Variants in PTPRD observed in about 807,000 individuals in gnomAD.
PTPRD encodes the protein receptor-type tyrosine-protein phosphatase delta.
In PTPRD, 34 loss-of-function variants were observed where a neutral mutation model predicts 214.5. The observed-to-expected ratio is 0.16, with a 90% CI of 0.12 to 0.21. The LOEUF is 0.21. Ranked by LOEUF, PTPRD falls within the 10% of genes least tolerant of loss-of-function variation. The pLI, the probability that PTPRD is intolerant of heterozygous loss-of-function variation, is 1.00. For missense variants in PTPRD, 2,545 were observed against 2,398.7 expected (o/e 1.06, Z -1.27); for synonymous variants, 1,128 against 845.7 (o/e 1.33, Z -5.79).
intron 4 of PTPRD, among the ~76,000 whole-genome samples, chr9:9,947,921 A>G (rs769925460): frequency 7.9e-5 from 12 of 151,726 alleles, no homozygotes; most frequent in Non-Finnish European, 1.5e-4. Flanking sequence ...TATAGGGAGC[A>G]GATCAGTAGG....
chr9:8,675,530 C>T (rs1019826355), intron 12 of PTPRD, among the ~76,000 whole-genome samples: 4 of 86,100 alleles, frequency 4.6e-5, no homozygotes, highest in Admixed American at 1.3e-4. Context: ...TACACACACA[C>T]ACACACACAA....
intron 10 of PTPRD, among the ~76,000 whole-genome samples, chr9:9,135,334 T>G (rs1231861366): frequency 6.6e-6 from 1 of 152,196 alleles, no homozygotes; most frequent in East Asian, 1.9e-4. Flanking sequence ...CTATGTAATC[T>G]TTTGGTTCAG....
intron 3 of PTPRD, among the ~76,000 whole-genome samples, chr9:10,080,863 T>C (rs1330109333): frequency 6.6e-6 from 1 of 152,110 alleles, no homozygotes; most frequent in Non-Finnish European, 1.5e-5. Flanking sequence ...GTTATTGGTA[T>C]GAATATTCTA....
chr9:9,169,531 G>T (rs115663475), intron 10 of PTPRD, among the ~76,000 whole-genome samples: 4,223 of 152,160 alleles, frequency 0.028, 205 homozygotes, highest in African/African-American at 0.097. Flanking sequence ...GTAGGCCCTG[G>T]CTATAAAGAA....
chr9:10,501,579 T>C (rs551472390), intron 2 of PTPRD, among the ~76,000 whole-genome samples: 17 of 151,984 alleles, frequency 1.1e-4, no homozygotes, highest in South Asian at 6.2e-4. Context: ...AAAGTTCATA[T>C]CATTAATTAA....
chr9:9,044,265 G>A (rs569896834), intron 10 of PTPRD, among the ~76,000 whole-genome samples: 14 of 152,138 alleles, frequency 9.2e-5, no homozygotes, highest in Non-Finnish European at 2.1e-4. Context: ...TGTCACCAAA[G>A]GTTTTATGAA....
At chr9:9,238,265 T>G (rs1450546475) in intron 9 of PTPRD, among the ~76,000 whole-genome samples, 1 of 152,042 alleles carries the variant, frequency 6.6e-6, no homozygotes, top group Non-Finnish European at 1.5e-5. Context: ...CTCTTTGGCT[T>G]TGAGGATACC....
intron 2 of PTPRD, among the ~76,000 whole-genome samples, chr9:10,375,127 C>T (rs1310605012): frequency 1.3e-5 from 2 of 151,922 alleles, no homozygotes; most frequent in Admixed American, 6.6e-5. Context: ...AAAAAATAGA[C>T]AATTTACTTT....
chr9:10,518,774 T>G (rs200424801), intron 2 of PTPRD, among the ~76,000 whole-genome samples: 1 of 152,134 alleles, frequency 6.6e-6, no homozygotes, highest in South Asian at 2.1e-4. Flanking sequence ...CCTCGTGATC[T>G]GCCCGCCTTG....
intron 10 of PTPRD, among the ~76,000 whole-genome samples, chr9:9,161,947 C>A (rs2381969): frequency 0.5 from 76,377 of 151,624 alleles, 19,804 homozygotes; most frequent in African/African-American, 0.57. Flanking sequence ...GTACAGCCTT[C>A]AAATGCATTT....
At chr9:9,082,517 C>T (rs1365944815) in intron 10 of PTPRD, among the ~76,000 whole-genome samples, 4 of 152,010 alleles carry the variant, frequency 2.6e-5, no homozygotes, top group Non-Finnish European at 4.4e-5. Context: ...TCTCTCACCA[C>T]TCCTATTCAA....
At chr9:9,355,423 T>C (rs540125548) in intron 9 of PTPRD, among the ~76,000 whole-genome samples, 11 of 151,718 alleles carry the variant, frequency 7.3e-5, no homozygotes, top group Admixed American at 2.0e-4. Context: ...GTGTTGAAGA[T>C]AGATCTTCAT....
intron 11 of PTPRD, among the ~76,000 whole-genome samples, chr9:8,794,544 A>G (rs1253029755): frequency 7.6e-6 from 1 of 131,976 alleles, no homozygotes; most frequent in African/African-American, 2.8e-5. Context: ...AAGTCTCATT[A>G]TGTTGCCCAG....
chr9:8,472,824 G>C (rs1404187276), intron 30 of PTPRD, among the ~76,000 whole-genome samples: 1 of 152,142 alleles, frequency 6.6e-6, no homozygotes, highest in Non-Finnish European at 1.5e-5. Context: ...CACTGCTCTA[G>C]AGCATTCTGG....
At chr9:9,227,777 A>G (rs892302072) in intron 9 of PTPRD, among the ~76,000 whole-genome samples, 22 of 152,194 alleles carry the variant, frequency 1.4e-4, no homozygotes, top group Admixed American at 6.5e-5. Context: ...GCCCATAGCC[A>G]TGTGAATGAG....
At chr9:9,545,190 T>C (rs1050766896) in intron 8 of PTPRD, among the ~76,000 whole-genome samples, 6 of 151,770 alleles carry the variant, frequency 4.0e-5, no homozygotes, top group Non-Finnish European at 7.4e-5. Flanking sequence ...ACTCTATGCA[T>C]GAGTTCAAAC....
At chr9:8,746,111 T>C (rs540719977) in intron 11 of PTPRD, among the ~76,000 whole-genome samples, 3 of 152,024 alleles carry the variant, frequency 2.0e-5, no homozygotes, top group Admixed American at 6.6e-5. Context: ...TTTTTTTCTC[T>C]GTAAAATTTA....
intron 7 of PTPRD, among the ~76,000 whole-genome samples, chr9:9,603,558 G>T (rs548491592): frequency 5.9e-5 from 9 of 152,248 alleles, no homozygotes; most frequent in African/African-American, 2.2e-4. Flanking sequence ...TACCACCTGA[G>T]CTCCACCTCC....
At chr9:9,527,444 C>T (rs905186771) in intron 8 of PTPRD, among the ~76,000 whole-genome samples, 5 of 152,150 alleles carry the variant, frequency 3.3e-5, no homozygotes, top group African/African-American at 1.2e-4. Context: ...ATGTTTGGTA[C>T]TAACTGTCTC....
Sources: gnomAD v4.1 joint callset for allele counts (sites outside exome capture counted in the v4.1 genomes callset) on GRCh38, gnomAD v4.1.1 for gene constraint, MANE v1.5 for transcripts, NCBI Gene and HGNC (gene_info 2026-07-23, HGNC 2026-07-21) for gene names.